Variants in POMGNT1 observed in about 807,000 individuals in gnomAD.
POMGNT1 encodes the protein protein O-linked-mannose beta-1,2-N-acetylglucosaminyltransferase 1.
A neutral mutation model predicts 95.6 loss-of-function variants in POMGNT1; 67 were observed. The observed-to-expected ratio is 0.70, with a 90% CI of 0.58 to 0.86. The LOEUF is 0.86. Among genes scored for constraint, POMGNT1 ranks in the 40% least tolerant of loss-of-function variants. POMGNT1 has a pLI of 0.00. For missense variants in POMGNT1, 719 were observed against 855.2 expected, an observed-to-expected ratio of 0.84 and a Z score of 1.99; for synonymous variants, 298 against 317.9, an observed-to-expected ratio of 0.94 and a Z score of 0.66.
rs766172760 is a variant in POMGNT1, at chr1:46,203,513, C to T, written c.-50-5642G>A. 19 of 1,559,432 alleles carry T rather than the reference C, an allele frequency of 1.2e-5. No individual in the cohort carries two copies. In the Admixed American group the frequency reaches 1.9e-4, roughly 16 times the overall value. The stretch of plus-strand genomic sequence containing the variant: ...GGAAGACCCCTGAAGGGCTGCTCCG[C>T]GGGCTGCGAGGCGAGTGTGAGCTGG... On this transcript the variant is annotated intron_variant, in intron 1 of 22. Coordinates refer to the POMGNT1 transcript ENST00000371992.
rs982953590 is a variant in POMGNT1, at chr1:46,194,889, C to A, written c.607G>T (p.Ala203Ser). 4 of 1,614,056 alleles carry A rather than the reference C, an allele frequency of 2.5e-6. No homozygotes were observed. In the African/African-American group the frequency reaches 5.3e-5, roughly 22 times the overall value. Residue 203 changes from alanine to serine, a missense_variant, in exon 7 of 22, where the codon GCC becomes TCC. Transcript: ENST00000371984. The stretch of plus-strand genomic sequence containing the variant: ...GCCCATGTGTCCCTCCAGCCCAGGG[C>A]AGGGCCAGCCTGGCTGCCCAGGCTC... ...LRSLGSQAGP[A>S]LGWRDTWAFV...
upstream of POMGNT1, chr1:46,203,261 C>A (rs572632817): frequency 6.6e-6 from 3 of 452,772 alleles, no homozygotes; most frequent in East Asian, 3.6e-5. Context: ...CATCCACAGA[C>A]GGTGCTGCGC....
At position 46,190,474 on chromosome 1, in the gene POMGNT1, T is replaced by A; in HGVS notation, c.1648A>T (p.Ser550Cys). 6.3e-7 allele frequency: 1 copy of A among 1,597,850 alleles called. No individual in the cohort carries two copies. The highest frequency in any genetic ancestry group is 1.1e-5 in the South Asian group (1 of 90,740). ...AYEVEVHRLLSEAEVLDHSKN... is the reference protein window; with the variant it reads ...AYEVEVHRLLCEAEVLDHSKN... ...CACCCCAATTGTCCTAGGCCATACC[T>A]GAGCAGCCTGTGAACTTCCACTTCA... is the stretch of plus-strand genomic sequence containing the variant. The change falls in exon 19 of 22, where the codon AGT (serine) becomes TGT (cysteine). Residue 550 changes from serine (S) to cysteine (C), a missense_variant and splice_region_variant. By Grantham distance (112) the Ser-to-Cys change is moderately radical. Around this residue, in one of 5 missense-constraint regions of POMGNT1, gnomAD observed 130 missense variants for 149.2 expected, o/e 0.87. Transcript: ENST00000371984.
chr1:46,197,503 A>T, intron 2 of POMGNT1, 199 bp downstream of exon 2: 1 of 1,495,006 alleles, frequency 6.7e-7, no homozygotes, highest in Non-Finnish European at 8.9e-7. Context: ...GAAGCTTAGA[A>T]GTTGTACTTG....
chr1:46,198,111 A>C, intron 1 of POMGNT1: 3 of 465,018 alleles, frequency 6.5e-6, no homozygotes, highest in Non-Finnish European at 7.8e-6. Context: ...GGTGGAGGCC[A>C]AATAATCGGC....
At chr1:46,206,349 C>T (rs914475199) in intron 1 of POMGNT1, among the ~76,000 whole-genome samples, 3 of 152,116 alleles carry the variant, frequency 2.0e-5, no homozygotes, top group Non-Finnish European at 2.9e-5. Flanking sequence ...CTGATAGTCC[C>T]CGCTCTGGGA....
intron 1 of POMGNT1, among the ~76,000 whole-genome samples, chr1:46,217,240 T>TA (rs1395599345): frequency 1.3e-5 from 2 of 152,116 alleles, no homozygotes; most frequent in Non-Finnish European, 2.9e-5. Context: ...GAGGGCTCCT[T>TA]AAGAGATGCC....
chr1:46,203,881 T>C (rs919113217), intron 1 of POMGNT1, among the ~76,000 whole-genome samples: 3 of 152,042 alleles, frequency 2.0e-5, no homozygotes, highest in Admixed American at 1.3e-4. Flanking sequence ...AAGTTATTCC[T>C]GCCAAATAAT....
chr1:46,203,307 C>T (rs1658604091), upstream of POMGNT1: 3 of 729,664 alleles, frequency 4.1e-6, no homozygotes, highest in Non-Finnish European at 6.1e-6. Flanking sequence ...TCCTCCCGCC[C>T]CCGCGCCGCG....
At chr1:46,211,666 A>G (rs1658900212) in intron 1 of POMGNT1, among the ~76,000 whole-genome samples, 1 of 152,238 alleles carries the variant, frequency 6.6e-6, no homozygotes, top group Admixed American at 6.5e-5. Flanking sequence ...GAAGGTTTAA[A>G]GAAATCAATT....
In POMGNT1 at chr1:46,192,420, G is replaced by A. The variant is rs1557672135; in HGVS notation, c.1301C>T (p.Ala434Val). 6.2e-7 allele frequency: 1 copy of A among 1,614,064 alleles called. No individual in the cohort carries two copies. The highest frequency in any genetic ancestry group is 1.3e-5 in the African/African-American group (1 of 74,898). ...ACGGTACAGTAGTGCTGGGTCCTCA[G>A]CCGTGTGTTCATACCCCTGGGGACA... is the stretch of plus-strand genomic sequence containing the variant. ...AWNDQGYEHT[A>V]EDPALLYRVE... The change falls in exon 16 of 22, where the codon GCT (alanine) becomes GTT (valine). Residue 434 changes from alanine (A) to valine (V), a missense_variant. This residue lies in a region of POMGNT1 where 118 missense variants were observed against 153.6 expected (regional missense o/e 0.77). Coordinates refer to ENST00000371984, the MANE Select transcript of POMGNT1 (RefSeq NM_017739.4).
chr1:46,203,951 C>A (rs868694894), intron 1 of POMGNT1, among the ~76,000 whole-genome samples: 4 of 152,098 alleles, frequency 2.6e-5, no homozygotes, highest in African/African-American at 7.2e-5. Flanking sequence ...CAAATTCCCC[C>A]CGCCTGTATG....
At chr1:46,203,877 T>C (rs2148234337) in intron 1 of POMGNT1, among the ~76,000 whole-genome samples, 1 of 152,186 alleles carries the variant, frequency 6.6e-6, no homozygotes, top group East Asian at 1.9e-4. Context: ...TTGGAAGTTA[T>C]TCCTGCCAAA....
intron 7 of POMGNT1, 90 bp from the exon 8 acceptor site, chr1:46,194,741 C>T: frequency 6.2e-7 from 1 of 1,613,962 alleles, no homozygotes. Context: ...ATCCAACCCA[C>T]TGCCACTGGC....
In POMGNT1 at chr1:46,196,771, G is replaced by C. The variant is rs1057522013; in HGVS notation, c.314C>G (p.Ser105Ter). 6.2e-7 allele frequency: 1 copy of C among 1,614,200 alleles called. No individual in the cohort carries two copies. The highest frequency in any genetic ancestry group is 8.5e-7 in the Non-Finnish European group (1 of 1,180,040). Residue 105 changes from serine to a stop codon, truncating the protein, a stop_gained, in exon 4 of 22, where the codon TCA (serine) becomes TGA (stop). Coordinates refer to ENST00000371984, the MANE Select transcript of POMGNT1 (RefSeq NM_017739.4). LOFTEE classifies it high-confidence loss of function. This position sits in a 1 kb window ranked among gnomAD's most constrained non-coding sequence, Gnocchi z 4.4. ...TGCCACATATACTTTGCTGCGACTT[G>C]AATACACCTCTACGTCCAGGACCCG... is the stretch of plus-strand genomic sequence containing the variant. Reference protein sequence around the residue: ...PRRVLDVEVYSSRSKVYVAVD... With the variant: ...PRRVLDVEVY
rs1210884594 is a variant in POMGNT1, at chr1:46,192,154, C to T, written c.1483G>A (p.Val495Ile). 6.2e-6 allele frequency: 10 copies of T among 1,613,938 alleles called. No homozygotes were observed. Among genetic ancestry groups the T allele is most frequent in the East Asian group, 2.2e-5 (1 of 44,890 alleles). ...ATGCCAAAGTGGTAGGATCGGGAAA[C>T]GTCAGGGATGATGCACTCTCGGCCC... is the stretch of plus-strand genomic sequence containing the variant. ...RRGRECIIPD[V>I]SRSYHFGIVG... Residue 495 changes from valine (V) to isoleucine (I), a missense_variant, in exon 17 of 22, where the codon GTT becomes ATT. By Grantham distance (29) the Val-to-Ile change is conservative (BLOSUM62 3). Coordinates refer to ENST00000371984, the MANE Select transcript of POMGNT1 (RefSeq NM_017739.4).
chr1:46,192,001 T>A, intron 17 of POMGNT1, 97 bp downstream of exon 17: 2 of 1,480,236 alleles, frequency 1.4e-6, no homozygotes, highest in Middle Eastern at 1.7e-4. Flanking sequence ...CAAGGTTACA[T>A]GGCTAGCAAG....
chr1:46,189,666 C>G (rs933969633), intron 20 of POMGNT1, 99 bp from the exon 21 acceptor site: 1 of 1,552,634 alleles, frequency 6.4e-7, no homozygotes, highest in Non-Finnish European at 8.7e-7. Flanking sequence ...CCTCAGAAAC[C>G]ACCTCAATTT....
In POMGNT1 at chr1:46,196,635, G is replaced by C. The variant is rs1224853051; in HGVS notation, c.354+96C>G. 6.2e-7 allele frequency: 1 copy of C among 1,605,222 alleles called. No individual in the cohort carries two copies. Among genetic ancestry groups the C allele is most frequent in the Admixed American group, 1.7e-5 (1 of 59,740 alleles). ...AAAGTCACACAGCTAGAAACTGGCA[G>C]AGTTGCAGTTCCCACTTAGGCAGTA... On this transcript the variant is annotated intron_variant, in intron 4 of 21. Coordinates refer to ENST00000371984, the MANE Select transcript of POMGNT1 (RefSeq NM_017739.4). The surrounding 1 kb of genome is among the most constrained non-coding windows in gnomAD (Gnocchi z 4.4).
Sources: allele counts gnomAD v4.1 joint callset (sites outside exome capture counted in the v4.1 genomes callset), GRCh38; gene constraint gnomAD v4.1.1; regional missense constraint gnomAD v4.1.1; non-coding constraint Gnocchi (gnomAD v3.1); transcripts MANE v1.5; gene names NCBI Gene and HGNC (gene_info 2026-07-23, HGNC 2026-07-21).